Variants in COL26A1 observed in about 807,000 individuals in gnomAD.
COL26A1 encodes the protein collagen type XXVI alpha 1 chain.
Under a neutral mutation model 59.3 loss-of-function variants are expected in COL26A1, and 41 were observed. The ratio of observed to expected loss-of-function variants is 0.69; its 90% CI spans 0.54 to 0.90. The LOEUF is 0.90. Among genes scored for constraint, COL26A1 ranks in the 40% least tolerant of loss-of-function variants. COL26A1 has a pLI of 0.00. For synonymous variants in COL26A1, 266 were observed against 256.0 expected (o/e 1.04, Z -0.37); for missense variants, 612 against 602.3 (o/e 1.02, Z -0.17).
At chr7:101,428,223 G>A (rs1792692919) in intron 2 of COL26A1, among the ~76,000 whole-genome samples, 1 of 151,830 alleles carries the variant, frequency 6.6e-6, no homozygotes, top group Non-Finnish European at 1.5e-5. Flanking sequence ...TGGGTGTGGT[G>A]GTGCATGTCT....
intron 1 of COL26A1, among the ~76,000 whole-genome samples, chr7:101,398,232 A>G (rs1031532290): frequency 3.9e-5 from 6 of 152,146 alleles, no homozygotes; most frequent in African/African-American, 9.7e-5. Context: ...CTATTTTACA[A>G]TCTATTGGAG....
intron 3 of COL26A1, among the ~76,000 whole-genome samples, chr7:101,488,516 T>C (rs1584453648): frequency 6.7e-6 from 1 of 149,836 alleles, no homozygotes; most frequent in Non-Finnish European, 1.5e-5. Context: ...GCTGGGATTA[T>C]AGGTGCCCGC....
intron 1 of COL26A1, among the ~76,000 whole-genome samples, chr7:101,387,579 G>A (rs1266582836): frequency 1.4e-5 from 2 of 146,622 alleles, no homozygotes; most frequent in Non-Finnish European, 3.0e-5. Context: ...TTGAGACAGA[G>A]TTTTACTCTG....
chr7:101,453,413 C>T (rs1029958199), intron 3 of COL26A1, among the ~76,000 whole-genome samples: 5 of 152,162 alleles, frequency 3.3e-5, no homozygotes, highest in Admixed American at 6.5e-5. Flanking sequence ...TGCAGTCTGT[C>T]GTTGACTGAA....
In COL26A1 at chr7:101,489,752, G is replaced by GTC. The variant is rs748699213; in HGVS notation, c.385+41971_385+41972dup. Reference sequence around the variant, plus strand: ...CTCTCTCTTTCTCTCTTTCTTTCTTGTCTCTCTTTCTTTCTTTCTTTCTTT... The same window carrying GTC: ...CTCTCTCTTTCTCTCTTTCTTTCTTGTCTCTCTCTTTCTTTCTTTCTTTCTTT... On this transcript the variant is annotated intron_variant, in intron 3 of 12. Coordinates refer to ENST00000313669, the MANE Select transcript of COL26A1 (RefSeq NM_001278563.3). Among the ~76,000 whole-genome samples the GTC allele has an allele frequency of 4.6e-3, 118 of 25,380 alleles. 42 individuals carry two copies. Among genetic ancestry groups the GTC allele is most frequent in the Middle Eastern group, 0.045 (2 of 44 alleles). The allele number at this position is 25,380 out of a possible 152,430, so 16.7% of individuals were successfully genotyped here. A position where few individuals can be genotyped will look rare whatever the true frequency, so the allele number is the denominator to read the frequency against.
At chr7:101,379,880 C>T (rs916570357) in intron 1 of COL26A1, among the ~76,000 whole-genome samples, 1 of 152,230 alleles carries the variant, frequency 6.6e-6, no homozygotes, top group African/African-American at 2.4e-5. Flanking sequence ...CATGAATAAT[C>T]CACCCCTTGT....
At chr7:101,384,836 C>T (rs1791529557) in intron 1 of COL26A1, among the ~76,000 whole-genome samples, 1 of 152,108 alleles carries the variant, frequency 6.6e-6, no homozygotes. Flanking sequence ...CGTCCTAGTT[C>T]CAAAACCTCC....
At chr7:101,446,046 C>CAAAAAAAAAA (rs60343304) in intron 2 of COL26A1, among the ~76,000 whole-genome samples, 3 of 50,994 alleles carry the variant, frequency 5.9e-5, no homozygotes, top group Non-Finnish European at 7.6e-5. Flanking sequence ...GACTCCGTCT[C>CAAAAAAAAAA]AAAAAAAAAA....
In COL26A1 at chr7:101,458,373, C is replaced by T. The variant is rs146415713; in HGVS notation, c.385+10586C>T. Reference sequence around the variant, plus strand: ...ACTTTAGGCCGGGCACAGTGGCTCACGCCTGTAATTCCAGCACTTTGAGAG... The same window carrying T: ...ACTTTAGGCCGGGCACAGTGGCTCATGCCTGTAATTCCAGCACTTTGAGAG... On this transcript the variant is annotated intron_variant, in intron 3 of 12. Transcript: ENST00000313669. Among the ~76,000 whole-genome samples the T allele has an allele frequency of 2.2e-3, 342 of 152,180 alleles. 1 individual carries two copies. Among genetic ancestry groups the T allele is most frequent in the African/African-American group, 7.8e-3 (322 of 41,536 alleles).
At chr7:101,540,230 A>G (rs1019510562) in intron 5 of COL26A1, among the ~76,000 whole-genome samples, 181 bp downstream of exon 5, 1 of 152,200 alleles carries the variant, frequency 6.6e-6, no homozygotes, top group Admixed American at 6.5e-5. Flanking sequence ...CAGGATTTCT[A>G]GTTTCTCTTA....
intron 2 of COL26A1, among the ~76,000 whole-genome samples, chr7:101,446,057 A>AAAAAAAAAAAAAAAC: frequency 6.7e-6 from 1 of 149,812 alleles, no homozygotes; most frequent in Non-Finnish European, 1.5e-5. Flanking sequence ...AAAAAAAAAA[A>AAAAAAAAAAAAAAAC]AAAAAAAAAA....
At chr7:101,400,032 T>C (rs1791954165) in intron 1 of COL26A1, among the ~76,000 whole-genome samples, 1 of 152,094 alleles carries the variant, frequency 6.6e-6, no homozygotes, top group Admixed American at 6.6e-5. Context: ...CTGCGAGTGC[T>C]GTGGGCAGAG....
chr7:101,421,880 T>C (rs944614119), intron 2 of COL26A1, among the ~76,000 whole-genome samples: 2 of 152,188 alleles, frequency 1.3e-5, no homozygotes, highest in Non-Finnish European at 2.9e-5. Flanking sequence ...CAAATGGTGA[T>C]TTCCTATTTT....
chr7:101,399,292 T>C (rs1382940970), intron 1 of COL26A1, among the ~76,000 whole-genome samples: 2 of 151,926 alleles, frequency 1.3e-5, no homozygotes, highest in East Asian at 1.9e-4. Context: ...GGCAACAGAG[T>C]GACACTCTGT....
At chr7:101,556,999 GGA>G (rs1243703344) in intron 12 of COL26A1, among the ~76,000 whole-genome samples, 451 of 40,796 alleles carry the variant, frequency 0.011, 10 homozygotes, top group Admixed American at 0.081. Flanking sequence ...ATGGGTGGAT[GGA>G]TGGATGGATG....
At chr7:101,483,891 G>T (rs1380076418) in intron 3 of COL26A1, among the ~76,000 whole-genome samples, 2 of 151,772 alleles carry the variant, frequency 1.3e-5, no homozygotes, top group Admixed American at 6.6e-5. Flanking sequence ...GGCCAGGCTG[G>T]GCTCAAACTC....
chr7:101,403,223 T>A (rs1300277823), intron 1 of COL26A1, among the ~76,000 whole-genome samples: 1 of 152,152 alleles, frequency 6.6e-6, no homozygotes, highest in African/African-American at 2.4e-5. Context: ...AAATTCTGTC[T>A]TCACAGAGTG....
intron 3 of COL26A1, among the ~76,000 whole-genome samples, chr7:101,501,715 G>C (rs1020856057): frequency 1.3e-5 from 2 of 152,246 alleles, no homozygotes; most frequent in Non-Finnish European, 2.9e-5. Context: ...TTGTCCAAAG[G>C]GGTGCTCAGA....
chr7:101,462,316 T>A (rs1002926624), intron 3 of COL26A1, among the ~76,000 whole-genome samples: 2 of 150,428 alleles, frequency 1.3e-5, no homozygotes, highest in Admixed American at 6.6e-5. Flanking sequence ...CATTTTAAAC[T>A]TATCTCCTTT....
Sources: allele counts gnomAD v4.1 joint callset (sites outside exome capture counted in the v4.1 genomes callset), GRCh38; gene constraint gnomAD v4.1.1; transcripts MANE v1.5; gene names NCBI Gene and HGNC (gene_info 2026-07-23, HGNC 2026-07-21).